ASPH: variants seen among roughly 807,000 people sequenced by gnomAD.
ASPH encodes the protein aspartate beta-hydroxylase, also known as aspartyl/asparaginyl beta-hydroxylase.
ASPH carries 100 observed loss-of-function variants against 118.4 expected under a neutral mutation model. That is an observed-to-expected ratio of 0.84 (90% confidence interval 0.72 to 1.00). ASPH has a LOEUF of 1.00. Ranked by LOEUF, ASPH falls within the 50% of genes least tolerant of loss-of-function variation. The pLI, the probability that ASPH is intolerant of heterozygous loss-of-function variation, is 0.00. For missense variants in ASPH, 920 were observed against 919.5 expected, an observed-to-expected ratio of 1.00 and a Z score of -0.01; for synonymous variants, 315 against 325.6, an observed-to-expected ratio of 0.97 and a Z score of 0.35.
chr8:61,624,786 CT>C (rs1409312024), intron 13 of ASPH: 1 of 985,680 alleles, frequency 1.0e-6, no homozygotes. Flanking sequence ...CTTAGTTTCC[CT>C]AAAAAAATAT....
At chr8:61,536,733 G>C (rs1327307511) in intron 21 of ASPH, among the ~76,000 whole-genome samples, 1 of 152,134 alleles carries the variant, frequency 6.6e-6, no homozygotes, top group Non-Finnish European at 1.5e-5. Flanking sequence ...TAGCTCCCTG[G>C]ATTGTTACTA....
chr8:61,676,590 G>C (rs1254578824), intron 3 of ASPH, among the ~76,000 whole-genome samples: 2 of 151,988 alleles, frequency 1.3e-5, no homozygotes, highest in Non-Finnish European at 2.9e-5. Flanking sequence ...GTGTTGAGTT[G>C]AAAGACAAAA....
chr8:61,651,774 A>AT (rs565113244), intron 4 of ASPH, among the ~76,000 whole-genome samples: 62 of 152,374 alleles, frequency 4.1e-4, no homozygotes, highest in Non-Finnish European at 7.9e-4. Flanking sequence ...AACATAAATG[A>AT]TGACATTCCA....
At chr8:61,690,146 C>T (rs189367600) in intron 1 of ASPH, among the ~76,000 whole-genome samples, 2 of 152,210 alleles carry the variant, frequency 1.3e-5, no homozygotes, top group Admixed American at 1.3e-4. Flanking sequence ...AAATATGGCC[C>T]CAAGCCCAGA....
intron 10 of ASPH, 91 bp from the exon 11 acceptor site, chr8:61,638,454 T>G (rs886383998): frequency 8.9e-7 from 1 of 1,127,272 alleles, no homozygotes. Context: ...CAATGCCTTA[T>G]GCATCTTTGA....
chr8:61,591,589 C>T (rs866718339), intron 14 of ASPH, among the ~76,000 whole-genome samples: 2 of 152,090 alleles, frequency 1.3e-5, no homozygotes, highest in African/African-American at 2.4e-5. Flanking sequence ...TTTAGAATAA[C>T]AAAAACTTCC....
chr8:61,578,485 C>T lies in ASPH; in HGVS notation c.1063-1627G>A, dbSNP rs535709736. ...GACCCCAACATCCAGGCTGTGTGCA[C>T]CCAGGAGAAGGAGCAGATCAAGACC... On this transcript the variant is annotated intron_variant, in intron 15 of 24. Coordinates refer to ENST00000379454, the MANE Select transcript of ASPH (RefSeq NM_004318.4). 117 of 1,590,936 alleles carry T rather than the reference C, an allele frequency of 7.4e-5. No homozygotes were observed. The African/African-American group carries it at 1.4e-3, about 20-fold the overall frequency.
chr8:61,532,849 C>A lies in ASPH; in HGVS notation c.1765-6737G>T, dbSNP rs1056044996. Among the ~76,000 whole-genome samples the A allele has an allele frequency of 6.0e-4, 91 of 152,088 alleles. 1 individual carries two copies. Among genetic ancestry groups the A allele is most frequent in the Admixed American group, 5.9e-4 (9 of 15,260 alleles). On this transcript the variant is annotated intron_variant, in intron 21 of 24. Transcript: ENST00000379454. ...TTGGGGCAAATTACTTATCTCTGTG[C>A]CTTAGTTTATAAAGCTTTTCTCAAG...
intron 14 of ASPH, among the ~76,000 whole-genome samples, chr8:61,596,414 A>C (rs1306160544): frequency 6.6e-6 from 1 of 152,230 alleles, no homozygotes; most frequent in East Asian, 1.9e-4. Context: ...CTGCCTGCCC[A>C]CTGCAGCCAC....
At chr8:61,628,447 G>T in intron 13 of ASPH, 1 of 275,494 alleles carries the variant, frequency 3.6e-6, no homozygotes, top group Non-Finnish European at 7.1e-6. Flanking sequence ...GACACTACAT[G>T]CGTGAACCAC....
At chr8:61,681,125 G>A (rs999269373) in intron 2 of ASPH, 89 bp from the exon 3 acceptor site, 19 of 995,704 alleles carry the variant, frequency 1.9e-5, no homozygotes, top group Non-Finnish European at 2.7e-5. Context: ...ATGCAACTCA[G>A]TCATAAATGT....
intron 21 of ASPH, among the ~76,000 whole-genome samples, chr8:61,526,752 G>A (rs1009058400): frequency 2.6e-5 from 4 of 152,194 alleles, no homozygotes; most frequent in Non-Finnish European, 5.9e-5. Flanking sequence ...GACCAGTAGA[G>A]ACTAGGAGTG....
chr8:61,704,253 A>ATTTATAC (rs1193084168), intron 1 of ASPH, among the ~76,000 whole-genome samples: 3 of 147,778 alleles, frequency 2.0e-5, no homozygotes, highest in African/African-American at 7.4e-5. Context: ...TCAGAAACAG[A>ATTTATAC]TTTATACTTA....
intron 10 of ASPH, 40 bp downstream of exon 10, chr8:61,642,845 CAAA>C: frequency 2.3e-6 from 2 of 872,860 alleles, no homozygotes; most frequent in Non-Finnish European, 1.5e-6. Context: ...AACTCCATCT[CAAA>C]AAAAAAAAGA....
chr8:61,500,956 C>T lies in ASPH; in HGVS notation c.*2403G>A, dbSNP rs1056539592. On this transcript the variant is annotated 3_prime_UTR_variant, in exon 25 of 25. Transcript: ENST00000379454. ...ATTATTTATTACATCATCTCTTTCT[C>T]AATGGATCTAATGTTTTAATTTTTT... The T allele has an allele frequency of 5.9e-5, 9 of 152,074 alleles. No homozygotes were observed. Among genetic ancestry groups the T allele is most frequent in the Non-Finnish European group, 1.3e-4 (9 of 68,008 alleles). 9.4% of individuals were successfully genotyped at this position (152,074 alleles called of 1,614,324 possible).
intron 18 of ASPH, among the ~76,000 whole-genome samples, chr8:61,561,066 G>A (rs1217672989): frequency 7.7e-6 from 1 of 129,348 alleles, no homozygotes; most frequent in Non-Finnish European, 1.6e-5. Flanking sequence ...AAGGAACGAA[G>A]GAAGGGAGAG....
In ASPH at chr8:61,619,379, T is replaced by C. The variant is rs112058177; in HGVS notation, c.935-360A>G. Among the ~76,000 whole-genome samples the C allele has an allele frequency of 5.0e-4, 76 of 152,308 alleles. 3 individuals carry two copies. Among genetic ancestry groups the C allele is most frequent in the African/African-American group, 1.7e-3 (71 of 41,566 alleles). On this transcript the variant is annotated intron_variant, in intron 13 of 24. Transcript: ENST00000379454. ...GAAGCCATCATTAAAGCTTGTTCAATATTGTTATTGTCTCTTAAAACCAGA... is the reference window on the plus strand; with the variant it reads ...GAAGCCATCATTAAAGCTTGTTCAACATTGTTATTGTCTCTTAAAACCAGA...
chr8:61,517,426 C>T, intron 24 of ASPH, 102 bp downstream of exon 24: 2 of 1,479,984 alleles, frequency 1.4e-6, no homozygotes, highest in Non-Finnish European at 1.8e-6. Context: ...CAGTCTACTT[C>T]AGCTACAAAA....
Position 61,570,364 on chromosome 8 carries a change from T to C in ASPH, c.1150-3046A>G, listed in dbSNP as rs369436034. ...AAATTGTAAACCATCTGTGGTTCAC[T>C]CTCTTCATTTTGAACCTACAGAGTG... is the stretch of plus-strand genomic sequence containing the variant. On this transcript the variant is annotated intron_variant, in intron 16 of 24. Transcript: ENST00000379454. 8.5e-4 allele frequency among the ~76,000 whole-genome samples: 129 copies of C among 152,322 alleles called. No individual in the cohort carries two copies. In the Middle Eastern group the frequency reaches 0.01, roughly 12 times the overall value.
Sources: gnomAD v4.1 joint callset for allele counts (sites outside exome capture counted in the v4.1 genomes callset) on GRCh38, gnomAD v4.1.1 for gene constraint, MANE v1.5 for transcripts, NCBI Gene and HGNC (gene_info 2026-07-23, HGNC 2026-07-21) for gene names.